The following CWC27 variants were observed in gnomAD, a reference collection of about 807,000 sequenced individuals.
The protein encoded by CWC27 is spliceosome-associated protein CWC27 homolog.
Under a neutral mutation model 63.6 loss-of-function variants are expected in CWC27, and 47 were observed. That is an observed-to-expected ratio of 0.74 (90% CI 0.58 to 0.94). The LOEUF is 0.94. CWC27 is among the 40% of genes least tolerant of loss of function. CWC27 has a pLI of 0.00. For missense variants in CWC27, 495 were observed against 554.3 expected, an observed-to-expected ratio of 0.89 and a Z score of 1.07; for synonymous variants, 175 against 179.8, an observed-to-expected ratio of 0.97 and a Z score of 0.22.
At chr5:64,966,188 C>CAA (rs1305203233) in intron 11 of CWC27, among the ~76,000 whole-genome samples, 1 of 143,170 alleles carries the variant, frequency 7.0e-6, no homozygotes, top group African/African-American at 2.5e-5. Context: ...CATAATCTAG[C>CAA]AAAAAAAAAA....
intron 10 of CWC27, chr5:64,884,223 C>T (rs1433883153): frequency 6.6e-6 from 1 of 152,014 alleles, no homozygotes; most frequent in Non-Finnish European, 1.5e-5. Context: ...AAGGAATTGG[C>T]TTTCATTATT....
chr5:64,827,941 C>A (rs950417330), intron 10 of CWC27, among the ~76,000 whole-genome samples: 2 of 152,100 alleles, frequency 1.3e-5, no homozygotes, highest in Non-Finnish European at 2.9e-5. Flanking sequence ...TGCAATGTAT[C>A]CATGCTTTAT....
chr5:65,008,095 C>T (rs748818506), intron 13 of CWC27, among the ~76,000 whole-genome samples: 22 of 152,162 alleles, frequency 1.4e-4, no homozygotes, highest in Admixed American at 4.6e-4. Context: ...TGCAGGAACA[C>T]AATTTGGTCC....
intron 11 of CWC27, among the ~76,000 whole-genome samples, chr5:64,928,722 C>T (rs1236496430): frequency 6.6e-6 from 1 of 152,030 alleles, no homozygotes; most frequent in African/African-American, 2.4e-5. Context: ...CTGAGTTTAT[C>T]TTTTTTTGTA....
Position 64,890,882 on chromosome 5 carries a change from C to A in CWC27, c.1042+5336C>A, listed in dbSNP as rs567726693. On this transcript the variant is annotated intron_variant, in intron 11 of 13. Transcript: ENST00000381070. ...CAAGCAAAAGAGAAGCCAGAAAAGG[C>A]ACTGACCTGTGGACCTTTCTAGCCC... is the stretch of plus-strand genomic sequence containing the variant. Among the ~76,000 whole-genome samples the A allele has an allele frequency of 3.9e-5, 6 of 152,278 alleles. No individual in the cohort carries two copies. The East Asian group carries it at 9.7e-4, about 25-fold the overall frequency.
intron 10 of CWC27, among the ~76,000 whole-genome samples, chr5:64,822,032 G>C (rs1186763405): frequency 2.6e-5 from 4 of 152,204 alleles, no homozygotes; most frequent in African/African-American, 9.6e-5. Context: ...GACGGGCCTT[G>C]TATGGCGTAT....
chr5:64,984,337 G>A (rs1001887834), intron 13 of CWC27, among the ~76,000 whole-genome samples: 1 of 152,120 alleles, frequency 6.6e-6, no homozygotes, highest in African/African-American at 2.4e-5. Flanking sequence ...TCCAGTGCCT[G>A]GTTCATAATG....
intron 13 of CWC27, among the ~76,000 whole-genome samples, chr5:65,005,899 T>A (rs777039691): frequency 4.6e-5 from 7 of 152,108 alleles, no homozygotes; most frequent in Admixed American, 6.5e-5. Context: ...CCTAGGAAAA[T>A]ATCAAAAATT....
At chr5:64,997,522 A>G (rs1309348965) in intron 13 of CWC27, among the ~76,000 whole-genome samples, 4 of 152,146 alleles carry the variant, frequency 2.6e-5, no homozygotes, top group Non-Finnish European at 5.9e-5. Flanking sequence ...TGATTACAAT[A>G]TATACCATTT....
chr5:64,916,685 A>G (rs1239881290), intron 11 of CWC27, among the ~76,000 whole-genome samples: 3 of 152,162 alleles, frequency 2.0e-5, no homozygotes, highest in South Asian at 2.1e-4. Context: ...TCACTCTGTC[A>G]TCAGGGGCAG....
chr5:64,804,584 T>C (rs1744598272), intron 10 of CWC27, 198 bp downstream of exon 10: 2 of 492,286 alleles, frequency 4.1e-6, no homozygotes, highest in African/African-American at 1.9e-5. Context: ...ACAATGATCC[T>C]ATGAGTTCAA....
intron 10 of CWC27, among the ~76,000 whole-genome samples, chr5:64,867,938 TG>T (rs34263129): frequency 0.03 from 4,497 of 148,586 alleles, 80 homozygotes; most frequent in Non-Finnish European, 0.041. Context: ...TTGTTGTGTT[TG>T]GGGGGGGGGC....
intron 11 of CWC27, among the ~76,000 whole-genome samples, chr5:64,924,069 A>G (rs1467168819): frequency 6.6e-6 from 1 of 152,096 alleles, no homozygotes; most frequent in African/African-American, 2.4e-5. Context: ...ATCTCTTCCT[A>G]AAATACTGTA....
intron 11 of CWC27, among the ~76,000 whole-genome samples, chr5:64,945,612 A>G (rs1418310024): frequency 6.6e-6 from 1 of 152,186 alleles, no homozygotes; most frequent in Non-Finnish European, 1.5e-5. Flanking sequence ...CCCATGAGAA[A>G]GGTAGGATAA....
At chr5:64,965,432 A>G (rs895482252) in intron 11 of CWC27, among the ~76,000 whole-genome samples, 1 of 152,244 alleles carries the variant, frequency 6.6e-6, no homozygotes, top group Non-Finnish European at 1.5e-5. Flanking sequence ...TGAGTTAGCA[A>G]TTGAGGCATA....
chr5:64,847,628 A>C (rs1345054507), intron 10 of CWC27, among the ~76,000 whole-genome samples: 1 of 152,210 alleles, frequency 6.6e-6, no homozygotes, highest in Non-Finnish European at 1.5e-5. Context: ...AGCTTAGATA[A>C]CAAAATAAGC....
intron 10 of CWC27, among the ~76,000 whole-genome samples, chr5:64,878,788 A>G (rs1330059507): frequency 1.3e-5 from 2 of 151,940 alleles, no homozygotes; most frequent in Non-Finnish European, 2.9e-5. Flanking sequence ...AATTATGACT[A>G]GTATGTTTTG....
chr5:64,829,143 A>G (rs1745445775), intron 10 of CWC27, among the ~76,000 whole-genome samples: 1 of 152,082 alleles, frequency 6.6e-6, no homozygotes, highest in Non-Finnish European at 1.5e-5. Flanking sequence ...TTATAAAATG[A>G]TTTTTCATGA....
intron 11 of CWC27, among the ~76,000 whole-genome samples, chr5:64,952,382 C>A (rs921175662): frequency 2.2e-4 from 34 of 152,000 alleles, no homozygotes; most frequent in African/African-American, 8.2e-4. Context: ...ATTTTCTTTT[C>A]ACTTCTTAGT....
Sources: allele counts gnomAD v4.1 joint callset (sites outside exome capture counted in the v4.1 genomes callset), GRCh38; gene constraint gnomAD v4.1.1; transcripts MANE v1.5; gene names NCBI Gene and HGNC (gene_info 2026-07-23, HGNC 2026-07-21).